SPIRE2: variants seen among roughly 807,000 people sequenced by gnomAD.
SPIRE2 encodes the protein protein spire homolog 2.
A neutral mutation model predicts 80.7 loss-of-function variants in SPIRE2; 76 were observed. The observed-to-expected ratio is 0.94, with a 90% CI of 0.78 to 1.14. SPIRE2 has a LOEUF of 1.14. SPIRE2 is among the 50% of genes most tolerant of loss of function. SPIRE2 has a pLI of 0.00. For missense variants in SPIRE2, 1,196 were observed against 1,015.3 expected, an observed-to-expected ratio of 1.18 and a Z score of -2.42; for synonymous variants, 535 against 432.6, an observed-to-expected ratio of 1.24 and a Z score of -2.94.
intron 1 of SPIRE2, among the ~76,000 whole-genome samples, chr16:89,833,162 T>C (rs2041404474): frequency 6.6e-6 from 1 of 151,900 alleles, no homozygotes; most frequent in Non-Finnish European, 1.5e-5. Flanking sequence ...TGCCTTTTTG[T>C]ATTTTTAGTA....
chr16:89,829,673 A>AG lies in SPIRE2; in HGVS notation c.244+879_244+880insG, dbSNP rs2041360547. On this transcript the variant is annotated intron_variant, in intron 1 of 14. Transcript: ENST00000378247. ...GGGTGGGGGCCGTTGTGCCCCACCC[A>AG]AGGGCCCTTGTTCCTTCACCAGGTC... Among the ~76,000 whole-genome samples the AG allele has an allele frequency of 5.9e-5, 9 of 151,738 alleles. 1 individual carries two copies. Among genetic ancestry groups the AG allele is most frequent in the Non-Finnish European group, 1.0e-4 (7 of 67,596 alleles).
At position 89,856,188 on chromosome 16, in the gene SPIRE2, C is replaced by T; in HGVS notation, c.1054C>T (p.Gln352Ter). ...LHEKILEEIKQERRLRPVRGE... is the reference protein window; with the variant it reads ...LHEKILEEIK ...TGAGAAGATCCTGGAGGAGATCAAG[C>T]AGGAGCGGAGGCTGCGCCCGGTGCG... is the stretch of plus-strand genomic sequence containing the variant. The change falls in exon 7 of 15, where the codon CAG becomes TAG. Residue 352 changes from glutamine (Q) to a stop codon, truncating the protein, a stop_gained. Transcript: ENST00000378247. LOFTEE classifies it high-confidence loss of function. The T allele has an allele frequency of 6.2e-7, 1 of 1,605,826 alleles. No homozygotes were observed. The highest frequency in any genetic ancestry group is 8.5e-7 in the Non-Finnish European group (1 of 1,176,962).
rs901537428 is a variant in SPIRE2, at chr16:89,858,493, A to G, written c.1258A>G (p.Met420Val). 1 of 1,601,202 alleles carries G rather than the reference A, an allele frequency of 6.2e-7. No homozygotes were observed. Among genetic ancestry groups the G allele is most frequent in the Non-Finnish European group, 8.5e-7 (1 of 1,174,940 alleles). ...GCCTACCTTGGCTGAAATGGAAGAGATGAATACATCTGAGGTCAGAACCCA... is the reference window on the plus strand; with the variant it reads ...GCCTACCTTGGCTGAAATGGAAGAGGTGAATACATCTGAGGTCAGAACCCA... ...KAPTLAEMEE[M>V]NTSEEEESPC... is the part of the protein sequence containing the mutation. Residue 420 changes from methionine to valine, a missense_variant, in exon 8 of 15, where the codon ATG (methionine) becomes GTG (valine). Coordinates refer to ENST00000378247, the MANE Select transcript of SPIRE2 (RefSeq NM_032451.2).
intron 1 of SPIRE2, among the ~76,000 whole-genome samples, chr16:89,842,668 G>A (rs1462728488): frequency 2.0e-5 from 3 of 152,224 alleles, no homozygotes; most frequent in South Asian, 2.1e-4. Context: ...AGGGCCAGCC[G>A]GCCACCAGTC....
At chr16:89,858,572 G>A (rs2041714055) in intron 8 of SPIRE2, 65 bp downstream of exon 8, 1 of 1,454,174 alleles carries the variant, frequency 6.9e-7, no homozygotes, top group Non-Finnish European at 9.1e-7. Context: ...AAGGAAGTGA[G>A]AAGGGCTAAG....
At chr16:89,837,118 C>T (rs2041457767) in intron 1 of SPIRE2, among the ~76,000 whole-genome samples, 1 of 152,228 alleles carries the variant, frequency 6.6e-6, no homozygotes. Context: ...TGCAGGTCTT[C>T]TCCCTCGAGC....
intron 1 of SPIRE2, among the ~76,000 whole-genome samples, chr16:89,838,858 C>A (rs1270707436): frequency 6.6e-6 from 1 of 151,986 alleles, no homozygotes; most frequent in African/African-American, 2.4e-5. Context: ...TTTCTCCGCA[C>A]AAAGGGCTCT....
intron 1 of SPIRE2, among the ~76,000 whole-genome samples, chr16:89,843,484 T>G (rs1012050679): frequency 2.6e-5 from 4 of 151,146 alleles, no homozygotes; most frequent in Non-Finnish European, 5.9e-5. Context: ...GTGGTCTCAG[T>G]CAGATGCCGA....
At chr16:89,855,805 G>C (rs572037998) in intron 6 of SPIRE2, 119 bp downstream of exon 6, 3 of 1,063,976 alleles carry the variant, frequency 2.8e-6, no homozygotes, top group Admixed American at 4.3e-5. Flanking sequence ...GTCCCAGTGC[G>C]TCTGCGTCAC....
At chr16:89,836,472 C>T (rs1043885647) in intron 1 of SPIRE2, 7 of 302,892 alleles carry the variant, frequency 2.3e-5, no homozygotes, top group African/African-American at 1.3e-4. Flanking sequence ...CCTTCCATCT[C>T]ATTTTAATGC....
At chr16:89,851,929 C>G (rs1272001666) in intron 3 of SPIRE2, among the ~76,000 whole-genome samples, 1 of 152,020 alleles carries the variant, frequency 6.6e-6, no homozygotes, top group African/African-American at 2.4e-5. Flanking sequence ...CCCTCTGAGC[C>G]TTTGCAGGTG....
Position 89,870,207 on chromosome 16 carries a change from C to T in SPIRE2, c.2080C>T (p.Pro694Ser), listed in dbSNP as rs372844688. ...GAGCGTGGACGTCCTCAACACTACG[C>T]CACGACGCAGTCGCCAGACCCAATC... ...RKSVDVLNTT[P>S]RRSRQTQSLY... Residue 694 changes from proline to serine, a missense_variant, in exon 15 of 15, where the codon CCA becomes TCA. By Grantham distance (74) the Pro-to-Ser change is moderately conservative (BLOSUM62 -1). Coordinates refer to ENST00000378247, the MANE Select transcript of SPIRE2 (RefSeq NM_032451.2). The T allele has an allele frequency of 3.7e-6, 6 of 1,608,516 alleles. No homozygotes were observed. The highest frequency in any genetic ancestry group is 1.7e-5 in the Admixed American group (1 of 59,148).
In SPIRE2 at chr16:89,839,317, T is replaced by C. The variant is rs2041480962; in HGVS notation, c.245-6005T>C. Among the ~76,000 whole-genome samples the C allele has an allele frequency of 2.7e-5, 4 of 148,120 alleles. No individual in the cohort carries two copies. The Admixed American group carries it at 2.7e-4, about 10-fold the overall frequency. ...TGAACCCAGGAGGCAGAGATTGCAG[T>C]GAGCCGAGATCGCGCCACTGCACTC... On this transcript the variant is annotated intron_variant, in intron 1 of 14. Coordinates refer to ENST00000378247, the MANE Select transcript of SPIRE2 (RefSeq NM_032451.2).
chr16:89,856,863 C>T (rs2041695953), intron 7 of SPIRE2, among the ~76,000 whole-genome samples: 1 of 151,880 alleles, frequency 6.6e-6, no homozygotes, highest in South Asian at 2.1e-4. Context: ...GAGATCGAGA[C>T]CAGCCTGGGC....
At chr16:89,850,192 C>G (rs12598316) in intron 2 of SPIRE2, 112 bp from the exon 3 acceptor site, 3 of 881,008 alleles carry the variant, frequency 3.4e-6, no homozygotes, top group East Asian at 2.6e-5. Flanking sequence ...TCTTGTGGAC[C>G]GACAGCTGCT....
At chr16:89,853,740 C>G (rs909364361) in intron 3 of SPIRE2, among the ~76,000 whole-genome samples, 3 of 152,106 alleles carry the variant, frequency 2.0e-5, no homozygotes, top group African/African-American at 7.2e-5. Flanking sequence ...GGTGCCGCGC[C>G]TTCTTCCCAA....
At chr16:89,866,653 G>A (rs2041791837) in intron 12 of SPIRE2, among the ~76,000 whole-genome samples, 1 of 143,866 alleles carries the variant, frequency 7.0e-6, no homozygotes, top group Non-Finnish European at 1.5e-5. Flanking sequence ...CTGTCACCCA[G>A]GCTGGAGTGC....
intron 8 of SPIRE2, 32 bp downstream of exon 8, chr16:89,858,539 CCAG>C (rs2041713755): frequency 6.6e-7 from 1 of 1,514,654 alleles, no homozygotes; most frequent in Admixed American, 2.1e-5. Flanking sequence ...TGAAAAGAGA[CCAG>C]GAATGGGAGG....
rs1366501062 is a variant in SPIRE2, at chr16:89,863,652, G to A, written c.1710+42G>A. On this transcript the variant is annotated intron_variant, in intron 11 of 14. Transcript: ENST00000378247. This position sits in a 1 kb window ranked among gnomAD's most constrained non-coding sequence, Gnocchi z 4.3. The stretch of plus-strand genomic sequence containing the variant: ...GTGGGGCTACGCTCTTGCCCGCTGG[G>A]TCAGGGGCGGGTGCCGAGAGGGCCA... The A allele has an allele frequency of 1.9e-6, 3 of 1,613,788 alleles. No individual in the cohort carries two copies. Among genetic ancestry groups the A allele is most frequent in the Non-Finnish European group, 2.5e-6 (3 of 1,179,922 alleles).
Sources: allele counts gnomAD v4.1 joint callset (sites outside exome capture counted in the v4.1 genomes callset), GRCh38; gene constraint gnomAD v4.1.1; non-coding constraint Gnocchi (gnomAD v3.1); transcripts MANE v1.5; gene names NCBI Gene and HGNC (gene_info 2026-07-23, HGNC 2026-07-21).